Variants in CD99L2 observed in about 807,000 individuals in gnomAD.
CD99L2 encodes the protein CD99 antigen-like protein 2.
Under a neutral mutation model 27.3 loss-of-function variants are expected in CD99L2, and 24 were observed. That is an observed-to-expected ratio of 0.88 (90% CI 0.64 to 1.24). The LOEUF (loss-of-function observed/expected upper bound fraction) is 1.24, where lower values mean the gene tolerates loss of function less well. Among genes scored for constraint, CD99L2 ranks in the 50% most tolerant of loss-of-function variants. The probability of loss-of-function intolerance (pLI) is 0.00; values close to 1 mark genes in which losing one functional copy is unlikely to be tolerated. For missense variants in CD99L2, 255 were observed against 221.6 expected (o/e 1.15, Z -0.96); for synonymous variants, 97 against 87.9 (o/e 1.10, Z -0.58).
chrX:150,841,473 G>C (rs781851802), intron 1 of CD99L2, among the ~76,000 whole-genome samples: 5 of 111,493 alleles, frequency 4.5e-5, no homozygotes, highest in South Asian at 3.8e-4. Context: ...ATCCATGTAC[G>C]TGTATTTCTC....
chrX:150,766,622 G>A lies in CD99L2; in HGVS notation c.*2412C>T, dbSNP rs782542372. On this transcript the variant is annotated 3_prime_UTR_variant, in exon 11 of 11. Coordinates refer to ENST00000370377, the MANE Select transcript of CD99L2 (RefSeq NM_031462.4). ...TTACAAATTTTCTCTGCCAAATTAAGCTGATAGAGATTGGCCACTTTCAAC... is the reference window on the plus strand; with the variant it reads ...TTACAAATTTTCTCTGCCAAATTAAACTGATAGAGATTGGCCACTTTCAAC... The A allele has an allele frequency of 8.9e-6, 1 of 112,053 alleles. No homozygotes were observed. The highest frequency in any genetic ancestry group is 9.4e-5 in the Admixed American group (1 of 10,629). The allele number at this position is 112,053 out of a possible 1,213,427, so 9.2% of individuals were successfully genotyped here. A position where few individuals can be genotyped will look rare whatever the true frequency, so the allele number is the denominator to read the frequency against.
At chrX:150,809,840 T>C (rs1366431560) in intron 4 of CD99L2, among the ~76,000 whole-genome samples, 1 of 111,973 alleles carries the variant, frequency 8.9e-6, no homozygotes, top group African/African-American at 3.2e-5. Flanking sequence ...AAATGAGATG[T>C]CATAGCTAGG....
chrX:150,811,044 TA>T (rs1193991534), intron 4 of CD99L2, among the ~76,000 whole-genome samples: 1 of 111,538 alleles, frequency 9.0e-6, no homozygotes, highest in Admixed American at 9.5e-5. Context: ...TCTATTAAAT[TA>T]AACAAAATAA....
intron 7 of CD99L2, among the ~76,000 whole-genome samples, chrX:150,785,088 A>C (rs2045574113): frequency 9.0e-6 from 1 of 110,680 alleles, no homozygotes; most frequent in African/African-American, 3.3e-5. Flanking sequence ...TGTCATCTGC[A>C]GGCACTGGCA....
chrX:150,772,011 C>A (rs782395999), intron 9 of CD99L2, among the ~76,000 whole-genome samples: 7 of 112,384 alleles, frequency 6.2e-5, no homozygotes, highest in African/African-American at 1.3e-4. Context: ...TCGCAGCCAC[C>A]TCCTGCTGTC....
chrX:150,824,122 AAGGAGG>A (rs201105178), intron 2 of CD99L2, among the ~76,000 whole-genome samples: 2 of 42,167 alleles, frequency 4.7e-5, no homozygotes, highest in Admixed American at 2.4e-4. Context: ...AGGAAGAAGG[AAGGAGG>A]AGGAGGAGGA....
intron 2 of CD99L2, among the ~76,000 whole-genome samples, chrX:150,826,900 C>T (rs2089139494): frequency 9.0e-6 from 1 of 111,579 alleles, no homozygotes; most frequent in Admixed American, 9.6e-5. Context: ...TACCTCTCCT[C>T]AGAGATGCCT....
At chrX:150,828,726 T>C (rs2046397963) in intron 2 of CD99L2, 1 of 111,666 alleles carries the variant, frequency 9.0e-6, no homozygotes, top group Non-Finnish European at 1.9e-5. Flanking sequence ...TGGTAAAATA[T>C]TTTTATTGAT....
chrX:150,867,872 G>A (rs1380381270), intron 1 of CD99L2, among the ~76,000 whole-genome samples: 1 of 83,166 alleles, frequency 1.2e-5, no homozygotes, highest in Non-Finnish European at 2.2e-5. Context: ...CAGCCTGGGC[G>A]ACAGAGTGAG....
intron 1 of CD99L2, among the ~76,000 whole-genome samples, chrX:150,869,147 C>G (rs1308021065): frequency 8.9e-6 from 1 of 111,889 alleles, no homozygotes; most frequent in Admixed American, 9.5e-5. Context: ...TGTCTAGGTT[C>G]TGTATCCAGC....
intron 2 of CD99L2, among the ~76,000 whole-genome samples, chrX:150,817,663 T>C (rs1221950019): frequency 2.7e-5 from 3 of 112,214 alleles, no homozygotes; most frequent in African/African-American, 9.7e-5. Context: ...CCAATAATTA[T>C]TGACTATTCA....
At chrX:150,839,265 C>T (rs2046586128) in intron 1 of CD99L2, among the ~76,000 whole-genome samples, 1 of 111,471 alleles carries the variant, frequency 9.0e-6, no homozygotes, top group Non-Finnish European at 1.9e-5. Flanking sequence ...GGGATCAGAC[C>T]CGCCTTTCCA....
At chrX:150,858,622 A>G (rs2046928715) in intron 1 of CD99L2, among the ~76,000 whole-genome samples, 1 of 112,475 alleles carries the variant, frequency 8.9e-6, no homozygotes, top group Non-Finnish European at 1.9e-5. Context: ...TGAAGAAGTT[A>G]AGAGAGAAAT....
At chrX:150,863,817 C>A (rs1409062729) in intron 1 of CD99L2, among the ~76,000 whole-genome samples, 1 of 112,007 alleles carries the variant, frequency 8.9e-6, no homozygotes, top group East Asian at 2.8e-4. Context: ...TAAGAAGACA[C>A]AAACTTGGAA....
intron 1 of CD99L2, among the ~76,000 whole-genome samples, chrX:150,849,135 C>T (rs1440748568): frequency 8.9e-6 from 1 of 111,884 alleles, no homozygotes; most frequent in East Asian, 2.8e-4. Flanking sequence ...ACTGTGGCCT[C>T]TATCAACAAT....
chrX:150,776,011 T>C (rs1387211051), intron 9 of CD99L2, among the ~76,000 whole-genome samples, 163 bp downstream of exon 9: 1 of 111,837 alleles, frequency 8.9e-6, no homozygotes, highest in Admixed American at 9.4e-5. Context: ...CCCAGATCTG[T>C]CCCCAGGGAT....
At chrX:150,810,928 G>A (rs143126091) in intron 4 of CD99L2, among the ~76,000 whole-genome samples, 44 of 112,059 alleles carry the variant, frequency 3.9e-4, no homozygotes, top group African/African-American at 1.3e-3. Context: ...CTGGCCAGGC[G>A]TGGTGGCTCA....
intron 1 of CD99L2, 103 bp from the exon 2 acceptor site, chrX:150,831,396 CAAAA>C: frequency 1.5e-6 from 1 of 684,585 alleles, no homozygotes; most frequent in Non-Finnish European, 2.1e-6. Context: ...GAAGGAATAA[CAAAA>C]GGTATTCCAT....
chrX:150,876,479 A>G (rs369387552), intron 1 of CD99L2, among the ~76,000 whole-genome samples: 3 of 112,581 alleles, frequency 2.7e-5, no homozygotes, highest in East Asian at 2.8e-4. Context: ...AATAATGGTA[A>G]GACAAAGCTT....
Sources: allele counts gnomAD v4.1 joint callset (sites outside exome capture counted in the v4.1 genomes callset), GRCh38; gene constraint gnomAD v4.1.1; transcripts MANE v1.5; gene names NCBI Gene and HGNC (gene_info 2026-07-23, HGNC 2026-07-21).